Variants in ATP5F1B observed in about 807,000 individuals in gnomAD.
ATP5F1B encodes the protein ATP synthase F(1) complex subunit beta, mitochondrial.
Under a neutral mutation model 45.9 loss-of-function variants are expected in ATP5F1B, and 17 were observed. That is an observed-to-expected ratio of 0.37 (90% CI 0.25 to 0.56). ATP5F1B has a LOEUF of 0.56. ATP5F1B is among the 20% of genes least tolerant of loss of function. The pLI is 0.80. For synonymous variants in ATP5F1B, 218 were observed against 256.5 expected (o/e 0.85, Z 1.43); for missense variants, 387 against 673.2 (o/e 0.57, Z 4.70).
chr12:56,642,972 T>C, intron 5 of ATP5F1B, 141 bp from the exon 6 acceptor site: 1 of 880,410 alleles, frequency 1.1e-6, no homozygotes, highest in Admixed American at 3.0e-5. Context: ...TTTTCCCTAT[T>C]AGAGATGCAG....
chr12:56,643,780 G>A (rs1372917321), intron 4 of ATP5F1B, 57 bp downstream of exon 4: 4 of 1,597,732 alleles, frequency 2.5e-6, no homozygotes, highest in Non-Finnish European at 3.4e-6. Context: ...TCATAACATT[G>A]TATGAGTTTT....
At chr12:56,641,178 A>G (rs1270469679) in intron 7 of ATP5F1B, among the ~76,000 whole-genome samples, 5 of 152,118 alleles carry the variant, frequency 3.3e-5, no homozygotes, top group African/African-American at 1.2e-4. Flanking sequence ...CAGCCTGACT[A>G]ACATGGTGAA....
chr12:56,645,491 A>C, intron 1 of ATP5F1B, 138 bp from the exon 2 acceptor site: 2 of 1,055,864 alleles, frequency 1.9e-6, no homozygotes. Flanking sequence ...CGTGTCCAAG[A>C]GGGAAGGCCG....
At chr12:56,645,714 A>T in intron 1 of ATP5F1B, 123 bp downstream of exon 1, 1 of 1,505,132 alleles carries the variant, frequency 6.6e-7, no homozygotes, top group Non-Finnish European at 9.0e-7. Flanking sequence ...ATTAGAGAGC[A>T]AGACGCGGCT....
intron 8 of ATP5F1B, 55 bp from the exon 9 acceptor site, chr12:56,639,362 G>A (rs1951495576): frequency 1.3e-6 from 2 of 1,544,092 alleles, no homozygotes; most frequent in Non-Finnish European, 1.8e-6. Context: ...ATTTGGACAA[G>A]CTAACAAAGG....
chr12:56,639,075 A>G (rs1046598344), intron 9 of ATP5F1B, 31 bp downstream of exon 9: 4 of 1,602,412 alleles, frequency 2.5e-6, no homozygotes, highest in Non-Finnish European at 3.4e-6. Flanking sequence ...ACAGCACAGT[A>G]AACATTCAAG....
At chr12:56,639,499 C>T (rs982325361) in intron 8 of ATP5F1B, 192 bp from the exon 9 acceptor site, 22 of 604,192 alleles carry the variant, frequency 3.6e-5, no homozygotes, top group African/African-American at 2.0e-4. Flanking sequence ...TTCCGCCGGG[C>T]GCAGTGGCTC....
chr12:56,642,818 T>C lies in ATP5F1B; in HGVS notation c.806A>G (p.Tyr269Cys). ...KDATSKVALV[Y>C]GQMNEPPGAR... ...ACCAGGTGGTTCATTCATTTGACCA[T>C]ATACCAGCGCTACCTGCAGTAATCA... The change falls in exon 6 of 10, where the codon TAT (tyrosine) becomes TGT (cysteine). Residue 269 changes from tyrosine to cysteine, a missense_variant. Physicochemically the swap from Tyr to Cys is radical, Grantham distance 194 (BLOSUM62 -2). Around this residue, in one of 6 missense-constraint regions of ATP5F1B, gnomAD observed 154 missense variants for 361.4 expected, o/e 0.43. Transcript: ENST00000262030. 6.8e-6 allele frequency: 11 copies of C among 1,614,138 alleles called. No homozygotes were observed. The highest frequency in any genetic ancestry group is 8.5e-6 in the Non-Finnish European group (10 of 1,180,014).
At chr12:56,643,987 T>G in intron 3 of ATP5F1B, 29 bp from the exon 4 acceptor site, 1 of 1,607,926 alleles carries the variant, frequency 6.2e-7, no homozygotes, top group Non-Finnish European at 8.5e-7. Context: ...GGATAGTATC[T>G]ATTCACCTTG....
At chr12:56,638,463 G>A in intron 9 of ATP5F1B, 40 bp from the exon 10 acceptor site, 1 of 1,474,802 alleles carries the variant, frequency 6.8e-7, no homozygotes. Flanking sequence ...GTAAGAAGCG[G>A]AGGGATATCA....
In ATP5F1B at chr12:56,645,218, A is replaced by G; in HGVS notation, c.263T>C (p.Val88Ala). 1.2e-6 allele frequency: 2 copies of G among 1,614,218 alleles called. No individual in the cohort carries two copies. Among genetic ancestry groups the G allele is most frequent in the Non-Finnish European group, 1.7e-6 (2 of 1,180,020 alleles). Residue 88 changes from valine to alanine, a missense_variant, in exon 2 of 10, where the codon GTG (valine) becomes GCG (alanine). By Grantham distance (64) the Val-to-Ala change is moderately conservative. Coordinates refer to ENST00000262030, the MANE Select transcript of ATP5F1B (RefSeq NM_001686.4). ...GLPPILNALE[V>A]QGRETRLVLE... is the part of the protein sequence containing the mutation. ...AACCAGTCTGGTCTCCCTGCCTTGC[A>G]CTTCCAGGGCATTTAGAATTGGTGG...
intron 8 of ATP5F1B, 79 bp from the exon 9 acceptor site, chr12:56,639,386 T>C: frequency 2.2e-6 from 3 of 1,362,872 alleles, no homozygotes; most frequent in Non-Finnish European, 3.1e-6. Context: ...AGTTACATGC[T>C]AGGGGGCAGA....
chr12:56,641,629 C>T (rs1951512745), intron 7 of ATP5F1B, among the ~76,000 whole-genome samples: 1 of 152,050 alleles, frequency 6.6e-6, no homozygotes, highest in Non-Finnish European at 1.5e-5. Context: ...CAACCTCCTG[C>T]AACCTCCGCC....
chr12:56,642,260 T>C (rs1951517847), intron 7 of ATP5F1B, among the ~76,000 whole-genome samples, 198 bp downstream of exon 7: 1 of 152,002 alleles, frequency 6.6e-6, no homozygotes, highest in South Asian at 2.1e-4. Context: ...CCTCCCAAAG[T>C]GTTGGTATTA....
chr12:56,642,390 T>C, intron 7 of ATP5F1B, 68 bp downstream of exon 7: 1 of 1,596,022 alleles, frequency 6.3e-7, no homozygotes, highest in Non-Finnish European at 8.6e-7. Context: ...GCCTCCTCAG[T>C]AGCTGAGATG....
At chr12:56,639,378 T>A (rs1303442454) in intron 8 of ATP5F1B, 71 bp from the exon 9 acceptor site, 1 of 1,449,188 alleles carries the variant, frequency 6.9e-7, no homozygotes, top group Non-Finnish European at 9.5e-7. Context: ...AAAGGGAAAG[T>A]TACATGCTAG....
At chr12:56,640,716 T>C (rs1183428610) in intron 7 of ATP5F1B, among the ~76,000 whole-genome samples, 1 of 152,066 alleles carries the variant, frequency 6.6e-6, no homozygotes, top group Admixed American at 6.6e-5. Context: ...TCATCTTTTA[T>C]TTTAACTATT....
chr12:56,640,810 G>T (rs540635877), intron 7 of ATP5F1B, among the ~76,000 whole-genome samples: 1 of 150,470 alleles, frequency 6.6e-6, no homozygotes, highest in Non-Finnish European at 1.5e-5. Context: ...ACTTTGGGAG[G>T]CCAAGGAGGG....
At chr12:56,645,796 G>A (rs1436099797) in intron 1 of ATP5F1B, 41 bp downstream of exon 1, 1 of 1,596,872 alleles carries the variant, frequency 6.3e-7, no homozygotes, top group South Asian at 1.1e-5. Flanking sequence ...AGGTCATGGG[G>A]CGGCAAAATG....
Sources: allele counts gnomAD v4.1 joint callset (sites outside exome capture counted in the v4.1 genomes callset), GRCh38; gene constraint gnomAD v4.1.1; regional missense constraint gnomAD v4.1.1; transcripts MANE v1.5; gene names NCBI Gene and HGNC (gene_info 2026-07-23, HGNC 2026-07-21).